GABRG3: variants seen among roughly 807,000 people sequenced by gnomAD.
GABRG3 encodes gamma-aminobutyric acid receptor subunit gamma-3.
In GABRG3, 25 loss-of-function variants were observed where a neutral mutation model predicts 48.8. That is an observed-to-expected ratio of 0.51 (90% CI 0.37 to 0.72). GABRG3 has a LOEUF of 0.72. GABRG3 is among the 30% of genes least tolerant of loss of function. The probability of loss-of-function intolerance (pLI) is 0.00; values close to 1 mark genes in which losing one functional copy is unlikely to be tolerated. For missense variants in GABRG3, 394 were observed against 577.9 expected (o/e 0.68, Z 3.26); for synonymous variants, 227 against 217.6 (o/e 1.04, Z -0.38).
At chr15:27,110,947 A>C (rs567788186) in intron 3 of GABRG3, among the ~76,000 whole-genome samples, 176 of 152,246 alleles carry the variant, frequency 1.2e-3, no homozygotes, top group African/African-American at 4.0e-3. Flanking sequence ...ACTTTTGGAA[A>C]GTTCTTACTT....
chr15:27,313,197 T>TAC (rs1893058468), intron 3 of GABRG3, among the ~76,000 whole-genome samples: 1 of 133,358 alleles, frequency 7.5e-6, no homozygotes, highest in Admixed American at 7.6e-5. Flanking sequence ...TATATATGTG[T>TAC]ATATATATAT....
At chr15:27,444,863 A>G (rs1238822524) in intron 5 of GABRG3, among the ~76,000 whole-genome samples, 4 of 152,070 alleles carry the variant, frequency 2.6e-5, no homozygotes, top group African/African-American at 4.8e-5. Context: ...TATGAATAAT[A>G]TTGTTAAGAA....
chr15:27,081,553 T>A (rs1418952200), intron 3 of GABRG3, among the ~76,000 whole-genome samples: 3 of 145,702 alleles, frequency 2.1e-5, no homozygotes, highest in African/African-American at 7.6e-5. Flanking sequence ...CACAGCTATG[T>A]CTTATCAATG....
chr15:27,291,070 C>T (rs944317654), intron 3 of GABRG3, among the ~76,000 whole-genome samples: 22 of 152,102 alleles, frequency 1.4e-4, no homozygotes, highest in African/African-American at 4.6e-4. Flanking sequence ...CCAATAACAA[C>T]GGAAGTGCTC....
At chr15:27,046,980 ACT>A (rs1896376653) in intron 3 of GABRG3, among the ~76,000 whole-genome samples, 1 of 152,154 alleles carries the variant, frequency 6.6e-6, no homozygotes, top group East Asian at 1.9e-4. Flanking sequence ...CTCTTGAATG[ACT>A]CTGTTCTTTA....
At chr15:27,504,638 T>C (rs895460684) in intron 6 of GABRG3, among the ~76,000 whole-genome samples, 1 of 152,162 alleles carries the variant, frequency 6.6e-6, no homozygotes, top group Admixed American at 6.5e-5. Context: ...CCTATGTAGT[T>C]ACCATTTCCG....
rs548700329 is a variant in GABRG3 at position 27,049,116 on chromosome 15, A to T, written c.270+22295A>T. ...CTTTGGGCAGGGTGGCTGCATGAGC[A>T]TGCATCTCCTGCACATGCAGGGTTG... On this transcript the variant is annotated intron_variant, in intron 3 of 9. Transcript: ENST00000615808. Among the ~76,000 whole-genome samples, 6 of 152,314 alleles carry T rather than the reference A, an allele frequency of 3.9e-5. No homozygotes were observed. The South Asian group carries it at 1.2e-3, about 32-fold the overall frequency.
intron 5 of GABRG3, among the ~76,000 whole-genome samples, chr15:27,370,030 G>T (rs4131245): frequency 1.3e-5 from 2 of 151,816 alleles, no homozygotes; most frequent in Middle Eastern, 3.2e-3. Flanking sequence ...CTTTTAGCAC[G>T]CTCTAATCAA....
chr15:27,431,476 T>C (rs1179190867), intron 5 of GABRG3, among the ~76,000 whole-genome samples: 3 of 152,210 alleles, frequency 2.0e-5, no homozygotes, highest in Admixed American at 6.5e-5. Context: ...TAAATAGAGA[T>C]TGTTTTACTT....
At chr15:26,978,828 C>T (rs1424777129) in intron 2 of GABRG3, among the ~76,000 whole-genome samples, 1 of 152,180 alleles carries the variant, frequency 6.6e-6, no homozygotes, top group Non-Finnish European at 1.5e-5. Context: ...GTATGCTTTT[C>T]AATATACATT....
chr15:27,366,773 A>C (rs1895215599), intron 5 of GABRG3, among the ~76,000 whole-genome samples: 1 of 152,076 alleles, frequency 6.6e-6, no homozygotes, highest in African/African-American at 2.4e-5. Context: ...TATGGCTGCT[A>C]AAATTTGGAT....
chr15:27,429,854 T>G (rs1425877646), intron 5 of GABRG3, among the ~76,000 whole-genome samples: 6 of 152,250 alleles, frequency 3.9e-5, no homozygotes, highest in Non-Finnish European at 7.3e-5. Context: ...TTTTACATTT[T>G]GGTCCTATAA....
At position 27,353,427 on chromosome 15, in the gene GABRG3, TA is replaced by T. The variant is rs1241884867; in HGVS notation, c.574+24540del. ...ATGTGTGCATAGTTTTCTTTCTTTC[TA>T]TTTATTTATTTATTTATTTATTTAT... On this transcript the variant is annotated intron_variant, in intron 5 of 9. Coordinates refer to ENST00000615808, the MANE Select transcript of GABRG3 (RefSeq NM_033223.5). 7.6e-3 allele frequency among the ~76,000 whole-genome samples: 564 copies of T among 73,910 alleles called. 1 individual carries two copies. The highest frequency in any genetic ancestry group is 0.032 in the African/African-American group (530 of 16,364). 48.5% of individuals were successfully genotyped at this position (73,910 alleles called of 152,430 possible).
In GABRG3 at chr15:27,472,806, A is replaced by ATATG. The variant is rs548387774; in HGVS notation, c.575-7832_575-7829dup. Reference sequence around the variant, plus strand: ...TCTCTCTCTGTCTCTACATATATACATATGTATGTATGTATATATGTATGT... The same window carrying ATATG: ...TCTCTCTCTGTCTCTACATATATACATATGTATGTATGTATGTATATATGTATGT... On this transcript the variant is annotated intron_variant, in intron 5 of 9. Transcript: ENST00000615808. Among the ~76,000 whole-genome samples the ATATG allele has an allele frequency of 6.6e-5, 10 of 152,196 alleles. No individual in the cohort carries two copies. In the South Asian group the frequency reaches 1.7e-3, roughly 25 times the overall value.
chr15:27,143,605 A>G (rs1299720537), intron 3 of GABRG3, among the ~76,000 whole-genome samples: 1 of 152,236 alleles, frequency 6.6e-6, no homozygotes, highest in Non-Finnish European at 1.5e-5. Flanking sequence ...ATTTCACAAC[A>G]ACATTTGAGA....
At chr15:27,227,526 A>G (rs1014102865) in intron 3 of GABRG3, among the ~76,000 whole-genome samples, 7 of 151,908 alleles carry the variant, frequency 4.6e-5, no homozygotes, top group African/African-American at 1.7e-4. Context: ...AATAAAATAT[A>G]TATTTTTTAA....
intron 3 of GABRG3, among the ~76,000 whole-genome samples, chr15:27,201,354 G>A (rs573246205): frequency 3.5e-4 from 45 of 128,746 alleles, no homozygotes; most frequent in Middle Eastern, 3.8e-3. Flanking sequence ...TGAGGGGTGC[G>A]TGTGTGTGTG....
At chr15:27,004,543 G>A (rs1895544669) in intron 2 of GABRG3, among the ~76,000 whole-genome samples, 1 of 151,690 alleles carries the variant, frequency 6.6e-6, no homozygotes, top group African/African-American at 2.4e-5. Context: ...TCCCAGACGG[G>A]GTGGCGGCCG....
rs545558843 is a variant in GABRG3 at position 27,358,909 on chromosome 15, G to A, written c.574+30021G>A. Among the ~76,000 whole-genome samples, 37 of 152,320 alleles carry A rather than the reference G, an allele frequency of 2.4e-4. No homozygotes were observed. The South Asian group carries it at 3.5e-3, about 14-fold the overall frequency. Reference sequence around the variant, plus strand: ...GTGCAATGCCCGCTCAGTGGGCCCCGGCAGTGCAGAGGGCGCTTCTCCCGG... The same window carrying A: ...GTGCAATGCCCGCTCAGTGGGCCCCAGCAGTGCAGAGGGCGCTTCTCCCGG... On this transcript the variant is annotated intron_variant, in intron 5 of 9. Coordinates refer to ENST00000615808, the MANE Select transcript of GABRG3 (RefSeq NM_033223.5).
Sources: allele counts gnomAD v4.1 joint callset (sites outside exome capture counted in the v4.1 genomes callset), GRCh38; gene constraint gnomAD v4.1.1; transcripts MANE v1.5; gene names NCBI Gene and HGNC (gene_info 2026-07-23, HGNC 2026-07-21).